DLC1: variants seen among roughly 807,000 people sequenced by gnomAD.
DLC1 encodes the protein DLC1 Rho GTPase activating protein.
Under a neutral mutation model 140.3 loss-of-function variants are expected in DLC1, and 54 were observed. The observed-to-expected ratio is 0.38, with a 90% CI of 0.31 to 0.48. The LOEUF (loss-of-function observed/expected upper bound fraction) is 0.48. Ranked by LOEUF, DLC1 falls within the 20% of genes least tolerant of loss-of-function variation. The pLI is 0.96. For missense variants in DLC1, 2,536 were observed against 1,907.0 expected (o/e 1.33, Z -6.14); for synonymous variants, 986 against 728.1 (o/e 1.35, Z -5.70).
chr8:13,112,326 TTATGGAATGA>T (rs1295403726), intron 6 of DLC1, among the ~76,000 whole-genome samples: 1 of 152,176 alleles, frequency 6.6e-6, no homozygotes, highest in Non-Finnish European at 1.5e-5. Flanking sequence ...ATTACTGGTT[TTATGGAATGA>T]TATGGAATTT....
intron 5 of DLC1, among the ~76,000 whole-genome samples, chr8:13,281,758 T>C (rs1374427263): frequency 3.3e-5 from 5 of 152,152 alleles, no homozygotes; most frequent in African/African-American, 1.2e-4. Context: ...AAGAAGTGAA[T>C]GTTAGGGAAG....
At chr8:13,172,816 C>G (rs557539874) in intron 5 of DLC1, among the ~76,000 whole-genome samples, 11 of 152,308 alleles carry the variant, frequency 7.2e-5, no homozygotes, top group African/African-American at 2.2e-4. Context: ...TCAAAATCTT[C>G]CAGAGGCTGC....
At chr8:13,305,070 C>A in intron 5 of DLC1, 199 bp downstream of exon 5, 1 of 1,240,864 alleles carries the variant, frequency 8.1e-7, no homozygotes, top group Non-Finnish European at 1.0e-6. Flanking sequence ...TATTCTAACA[C>A]AATGTCATTA....
intron 4 of DLC1, among the ~76,000 whole-genome samples, chr8:13,319,602 A>G (rs1057316470): frequency 1.4e-5 from 2 of 142,092 alleles, no homozygotes; most frequent in African/African-American, 5.1e-5. Context: ...GCCATGTAGG[A>G]TGCGCCTGTT....
At chr8:13,182,634 T>C (rs886698386) in intron 5 of DLC1, among the ~76,000 whole-genome samples, 12 of 152,146 alleles carry the variant, frequency 7.9e-5, no homozygotes, top group Non-Finnish European at 1.8e-4. Context: ...TGGTTGTAGA[T>C]GTGTGGTGTT....
chr8:13,533,242 GTTGT>G (rs886726411), intron 1 of DLC1, among the ~76,000 whole-genome samples: 26 of 19,354 alleles, frequency 1.3e-3, no homozygotes, highest in African/African-American at 2.2e-3. Flanking sequence ...TAGAATAATC[GTTGT>G]TTTTTTTTGT....
chr8:13,121,338 A>G (rs1182155394), intron 5 of DLC1, among the ~76,000 whole-genome samples: 3 of 152,284 alleles, frequency 2.0e-5, no homozygotes, highest in Admixed American at 6.5e-5. Flanking sequence ...ACTGCTTATC[A>G]ATTCTGATGA....
At chr8:13,179,497 G>C (rs1825925468) in intron 5 of DLC1, among the ~76,000 whole-genome samples, 1 of 152,144 alleles carries the variant, frequency 6.6e-6, no homozygotes, top group Non-Finnish European at 1.5e-5. Flanking sequence ...GAGGCAGACA[G>C]ATTGCTTGAG....
chr8:13,434,980 C>T (rs957356973), intron 2 of DLC1, among the ~76,000 whole-genome samples: 2 of 152,020 alleles, frequency 1.3e-5, no homozygotes, highest in African/African-American at 4.8e-5. Flanking sequence ...CCGGCTCACC[C>T]TCAAGCCTTA....
At chr8:13,187,372 T>A (rs1826442845) in intron 5 of DLC1, among the ~76,000 whole-genome samples, 1 of 152,114 alleles carries the variant, frequency 6.6e-6, no homozygotes, top group Non-Finnish European at 1.5e-5. Flanking sequence ...ATCTTTAACC[T>A]CCCTAATTTT....
chr8:13,107,392 T>C (rs1191310856), intron 7 of DLC1, among the ~76,000 whole-genome samples: 1 of 152,162 alleles, frequency 6.6e-6, no homozygotes, highest in African/African-American at 2.4e-5. Context: ...ACTTATAAGA[T>C]CCCTGCATAA....
intron 4 of DLC1, among the ~76,000 whole-genome samples, chr8:13,321,275 C>T (rs1402132329): frequency 3.3e-5 from 5 of 152,126 alleles, no homozygotes; most frequent in African/African-American, 9.7e-5. Flanking sequence ...CGCAATGGCT[C>T]ATGCCTGTAA....
At chr8:13,087,980 C>T (rs1817706420) in intron 16 of DLC1, among the ~76,000 whole-genome samples, 1 of 152,208 alleles carries the variant, frequency 6.6e-6, no homozygotes, top group African/African-American at 2.4e-5. Flanking sequence ...GCTCAGTTAC[C>T]AAAGAGTTCA....
At chr8:13,539,123 C>T (rs960513466) in intron 1 of DLC1, among the ~76,000 whole-genome samples, 2 of 151,874 alleles carry the variant, frequency 1.3e-5, no homozygotes, top group African/African-American at 2.4e-5. Flanking sequence ...CACTTTTTAT[C>T]TTGATTATTG....
At position 13,085,633 on chromosome 8, in the gene DLC1, A is replaced by C; in HGVS notation, c.*178T>G. The C allele has an allele frequency of 1.1e-6, 1 of 896,158 alleles. No individual in the cohort carries two copies. The allele number at this position is 896,158 out of a possible 1,614,324, so 55.5% of individuals were successfully genotyped here. On this transcript the variant is annotated 3_prime_UTR_variant, in exon 18 of 18. Coordinates refer to ENST00000276297, the MANE Select transcript of DLC1 (RefSeq NM_182643.3). The stretch of plus-strand genomic sequence containing the variant: ...TTCCAGTCAAGGTCTATGAATACAG[A>C]CCCTCAACAAACAGGAAGCAGCTTT...
intron 2 of DLC1, among the ~76,000 whole-genome samples, chr8:13,482,323 C>T (rs1362119581): frequency 1.4e-5 from 2 of 141,060 alleles, no homozygotes; most frequent in South Asian, 4.7e-4. Flanking sequence ...ATCATGGTGT[C>T]TACAAGAATG....
chr8:13,289,350 C>T (rs1240119630), intron 5 of DLC1, among the ~76,000 whole-genome samples: 1 of 152,062 alleles, frequency 6.6e-6, no homozygotes, highest in Non-Finnish European at 1.5e-5. Context: ...GCCTTTGCAC[C>T]TGGTTAAATT....
intron 1 of DLC1, among the ~76,000 whole-genome samples, chr8:13,541,357 A>G (rs1221287990): frequency 2.0e-5 from 3 of 151,898 alleles, no homozygotes; most frequent in African/African-American, 7.3e-5. Context: ...TGCATATTTA[A>G]TTACGTAAGA....
At chr8:13,390,984 C>G (rs1377192998) in intron 4 of DLC1, among the ~76,000 whole-genome samples, 1 of 71,076 alleles carries the variant, frequency 1.4e-5, no homozygotes, top group East Asian at 5.2e-4. Flanking sequence ...GACTCCGTCT[C>G]AAAAAAAAAA....
Sources: gnomAD v4.1 joint callset for allele counts (sites outside exome capture counted in the v4.1 genomes callset) on GRCh38, gnomAD v4.1.1 for gene constraint, MANE v1.5 for transcripts, NCBI Gene and HGNC (gene_info 2026-07-23, HGNC 2026-07-21) for gene names.